The following ARHGAP15 variants were observed in gnomAD, a reference collection of about 807,000 sequenced individuals.
ARHGAP15 encodes the protein rho GTPase-activating protein 15.
In ARHGAP15, 51 loss-of-function variants were observed where a neutral mutation model predicts 63.7. The ratio of observed to expected loss-of-function variants is 0.80; its 90% CI spans 0.64 to 1.01. The LOEUF (loss-of-function observed/expected upper bound fraction) is 1.01. Ranked by LOEUF, ARHGAP15 falls within the 50% of genes least tolerant of loss-of-function variation. The pLI is 0.00. For synonymous variants in ARHGAP15, 191 were observed against 193.8 expected, an observed-to-expected ratio of 0.99 and a Z score of 0.12; for missense variants, 560 against 564.6, an observed-to-expected ratio of 0.99 and a Z score of 0.08.
Position 143,285,974 on chromosome 2 carries a change from ATT to A in ARHGAP15, c.474+35375_474+35376del, listed in dbSNP as rs757604138. On this transcript the variant is annotated intron_variant, in intron 6 of 13. Coordinates refer to ENST00000295095, the MANE Select transcript of ARHGAP15 (RefSeq NM_018460.4). ...TGTTGACTTTAGCAAAAACTTAAAAATTCTCTGAAATTTGAAATGAAAATTCA... is the reference window on the plus strand; with the variant it reads ...TGTTGACTTTAGCAAAAACTTAAAAACTCTGAAATTTGAAATGAAAATTCA... Among the ~76,000 whole-genome samples the A allele has an allele frequency of 8.1e-4, 123 of 152,362 alleles. 1 individual carries two copies. Among genetic ancestry groups the A allele is most frequent in the Admixed American group, 8.5e-4 (13 of 15,300 alleles).
At chr2:143,537,797 T>A (rs1347741813) in intron 10 of ARHGAP15, among the ~76,000 whole-genome samples, 1 of 152,192 alleles carries the variant, frequency 6.6e-6, no homozygotes, top group Non-Finnish European at 1.5e-5. Flanking sequence ...TAGTGTAGTT[T>A]GAAGTCAGGT....
chr2:143,177,104 A>G (rs1328726785), intron 2 of ARHGAP15, among the ~76,000 whole-genome samples: 1 of 152,220 alleles, frequency 6.6e-6, no homozygotes, highest in Admixed American at 6.5e-5. Flanking sequence ...AGATTCTCAC[A>G]GTGAGGAGTA....
chr2:143,265,311 A>T (rs1680935416), intron 6 of ARHGAP15, among the ~76,000 whole-genome samples: 1 of 152,034 alleles, frequency 6.6e-6, no homozygotes, highest in African/African-American at 2.4e-5. Context: ...TTCTAACCCC[A>T]AAATTGAGCT....
At chr2:143,192,436 C>T (rs545905915) in intron 2 of ARHGAP15, among the ~76,000 whole-genome samples, 35 of 152,366 alleles carry the variant, frequency 2.3e-4, no homozygotes, top group South Asian at 6.2e-4. Flanking sequence ...AAGGAAAGCA[C>T]AGCTTTAACA....
At chr2:143,448,178 A>G (rs538707438) in intron 8 of ARHGAP15, among the ~76,000 whole-genome samples, 4 of 152,284 alleles carry the variant, frequency 2.6e-5, no homozygotes, top group African/African-American at 9.6e-5. Context: ...GAAGAGCACA[A>G]TAGATTGGTG....
intron 11 of ARHGAP15, among the ~76,000 whole-genome samples, chr2:143,600,099 G>A (rs928697078): frequency 5.9e-5 from 9 of 152,094 alleles, no homozygotes; most frequent in Non-Finnish European, 1.3e-4. Context: ...CTAAACACAT[G>A]GATGAAGTTA....
intron 13 of ARHGAP15, among the ~76,000 whole-genome samples, chr2:143,754,992 G>A (rs1686519691): frequency 1.3e-5 from 2 of 152,102 alleles, no homozygotes; most frequent in African/African-American, 4.8e-5. Context: ...TGAACATTGG[G>A]GAAAGACCCA....
intron 13 of ARHGAP15, among the ~76,000 whole-genome samples, chr2:143,713,662 A>AG (rs1219857372): frequency 6.6e-6 from 1 of 151,702 alleles, no homozygotes; most frequent in Non-Finnish European, 1.5e-5. Context: ...AGATACAAAG[A>AG]GGGTACAGGT....
At chr2:143,638,257 T>A (rs1051788535) in intron 12 of ARHGAP15, among the ~76,000 whole-genome samples, 1 of 143,230 alleles carries the variant, frequency 7.0e-6, no homozygotes, top group Non-Finnish European at 1.5e-5. Flanking sequence ...AACCCAAATG[T>A]CCAACAATGA....
chr2:143,645,175 C>T (rs1389231770), intron 12 of ARHGAP15, among the ~76,000 whole-genome samples: 1 of 152,008 alleles, frequency 6.6e-6, no homozygotes, highest in Non-Finnish European at 1.5e-5. Flanking sequence ...ATAAGCTCTC[C>T]AGCTCTACAA....
chr2:143,160,928 G>A (rs138157988), intron 2 of ARHGAP15, among the ~76,000 whole-genome samples: 10 of 152,058 alleles, frequency 6.6e-5, no homozygotes, highest in Admixed American at 1.3e-4. Flanking sequence ...TGGCTGCACC[G>A]TTTCCATCTT....
chr2:143,714,039 A>G (rs1483425809), intron 13 of ARHGAP15, among the ~76,000 whole-genome samples: 1 of 151,908 alleles, frequency 6.6e-6, no homozygotes, highest in Admixed American at 6.6e-5. Flanking sequence ...CCCAGAAGGG[A>G]CTCTGTGTGG....
At chr2:143,517,988 T>C (rs1693893948) in intron 9 of ARHGAP15, among the ~76,000 whole-genome samples, 2 of 152,218 alleles carry the variant, frequency 1.3e-5, no homozygotes, top group African/African-American at 2.4e-5. Flanking sequence ...AGTAGGGACT[T>C]TGATTTCATT....
At position 143,403,115 on chromosome 2, in the gene ARHGAP15, T is replaced by A. The variant is rs1444659817; in HGVS notation, c.475-32486T>A. ...ATCCATAAGTTAATTTTAAATTCAG[T>A]TGGCTGAAATATTATATATTCTAAA... On this transcript the variant is annotated intron_variant, in intron 6 of 13. Transcript: ENST00000295095. Among the ~76,000 whole-genome samples the A allele has an allele frequency of 7.9e-5, 12 of 152,084 alleles. No individual in the cohort carries two copies. The East Asian group carries it at 2.3e-3, about 29-fold the overall frequency.
At chr2:143,468,611 T>C (rs1240241727) in intron 8 of ARHGAP15, among the ~76,000 whole-genome samples, 1 of 150,362 alleles carries the variant, frequency 6.7e-6, no homozygotes, top group Non-Finnish European at 1.5e-5. Context: ...ACCTAGCCCA[T>C]AGGTTGCTAT....
chr2:143,474,418 T>G (rs1444136845), intron 8 of ARHGAP15, among the ~76,000 whole-genome samples: 2 of 152,136 alleles, frequency 1.3e-5, no homozygotes, highest in Non-Finnish European at 2.9e-5. Flanking sequence ...AAATGTAGGA[T>G]AAAACAAAAT....
rs150262413 is a variant in ARHGAP15, at chr2:143,545,418, A to T, written c.926-10990A>T. On this transcript the variant is annotated intron_variant, in intron 10 of 13. Coordinates refer to ENST00000295095, the MANE Select transcript of ARHGAP15 (RefSeq NM_018460.4). ...AATTAATCACTTTTACCTTCAGGGC[A>T]GAGTTAGGCCTGAGAGTATTTCAAT... Among the ~76,000 whole-genome samples, 8 of 152,350 alleles carry T rather than the reference A, an allele frequency of 5.3e-5. No homozygotes were observed. The East Asian group carries it at 1.5e-3, about 29-fold the overall frequency.
At chr2:143,246,213 G>T (rs1250276967) in intron 5 of ARHGAP15, among the ~76,000 whole-genome samples, 1 of 151,800 alleles carries the variant, frequency 6.6e-6, no homozygotes, top group East Asian at 2.0e-4. Flanking sequence ...GTTTCTTCAT[G>T]TATAAGTTGA....
chr2:143,295,931 T>C (rs948738952), intron 6 of ARHGAP15, among the ~76,000 whole-genome samples: 2 of 151,956 alleles, frequency 1.3e-5, no homozygotes, highest in African/African-American at 4.8e-5. Flanking sequence ...CACCTTCTAC[T>C]CATTTCAACA....
Sources: allele counts gnomAD v4.1 joint callset (sites outside exome capture counted in the v4.1 genomes callset), GRCh38; gene constraint gnomAD v4.1.1; transcripts MANE v1.5; gene names NCBI Gene and HGNC (gene_info 2026-07-23, HGNC 2026-07-21).